The following RANBP2 variants were observed in gnomAD, a reference collection of about 807,000 sequenced individuals.
The protein encoded by RANBP2 is RAN binding protein 2.
RANBP2 carries 57 observed loss-of-function variants against 303.6 expected under a neutral mutation model. That is an observed-to-expected ratio of 0.19 (90% CI 0.15 to 0.23). RANBP2 has a LOEUF of 0.23. RANBP2 is among the 10% of genes least tolerant of loss of function. RANBP2 has a pLI of 1.00. For missense variants in RANBP2, 3,138 were observed against 3,780.8 expected, an observed-to-expected ratio of 0.83 and a Z score of 4.46; for synonymous variants, 1,167 against 1,301.5, an observed-to-expected ratio of 0.90 and a Z score of 2.23.
At position 108,763,247 on chromosome 2, in the gene RANBP2, A is replaced by G. The variant is rs375032781; in HGVS notation, c.2708A>G (p.Tyr903Cys). 1.9e-5 allele frequency: 31 copies of G among 1,613,520 alleles called. No individual in the cohort carries two copies. The African/African-American group carries it at 2.0e-4, about 10-fold the overall frequency. The change falls in exon 20 of 29, where the codon TAT becomes TGT. Residue 903 changes from tyrosine (Y) to cysteine (C), a missense_variant. This residue lies in a region of RANBP2 where 403 missense variants were observed against 376.7 expected (regional missense o/e 1.07). Transcript: ENST00000283195. ...ANVTPTKGPV[Y>C]GMNRLPPQQH... is the part of the protein sequence containing the mutation. ...CTTTCTGTCTTTTAGGGCCCAGTCT[A>G]TGGCATGAATAGGCTTCCACCCCAA...
intron 15 of RANBP2, 108 bp from the exon 16 acceptor site, chr2:108,754,797 C>A: frequency 3.9e-6 from 6 of 1,549,260 alleles, no homozygotes; most frequent in Non-Finnish European, 5.3e-6. Flanking sequence ...TGTAAAGTGC[C>A]TATTAAAGTG....
the RANBP2 span, chr2:109,127,257 C>G: frequency 5.9e-5 from 9 of 151,962 alleles, no homozygotes; most frequent in Middle Eastern, 3.2e-3. Context: ...CTAAGATCTG[C>G]CTTCAAATCA....
At chr2:109,210,046 G>A in the RANBP2 span, among the ~76,000 whole-genome samples, 1 of 152,186 alleles carries the variant, frequency 6.6e-6, no homozygotes, top group Non-Finnish European at 1.5e-5. Context: ...GGACCGCAGA[G>A]TCAAACAGTA....
chr2:109,432,426 C>T, the RANBP2 span: 1 of 1,562,626 alleles, frequency 6.4e-7, no homozygotes, highest in Non-Finnish European at 8.7e-7. Context: ...AAGACAACCT[C>T]CCCCCAGGAA....
At chr2:108,787,956 T>C (rs1210532531), downstream of RANBP2, 1 of 1,217,284 alleles carries the variant, frequency 8.2e-7, no homozygotes, top group South Asian at 1.4e-5. Context: ...AATTAATACA[T>C]AATTTGTGGG....
At chr2:109,715,394 C>A in the RANBP2 span, among the ~76,000 whole-genome samples, 1 of 152,170 alleles carries the variant, frequency 6.6e-6, no homozygotes. Flanking sequence ...GCCTGGCCTC[C>A]TTTTCAGGTT....
At chr2:109,404,430 C>T in the RANBP2 span, among the ~76,000 whole-genome samples, 14 of 152,158 alleles carry the variant, frequency 9.2e-5, no homozygotes, top group South Asian at 2.1e-4. Context: ...GCTACAAGTT[C>T]GAGACTGGGA....
the RANBP2 span, among the ~76,000 whole-genome samples, chr2:109,717,791 G>A: frequency 1.3e-5 from 2 of 151,220 alleles, no homozygotes; most frequent in South Asian, 2.1e-4. Flanking sequence ...GCAGGTGCCT[G>A]TAGTCCCAGC....
At chr2:109,615,527 C>T in the RANBP2 span, 3 of 1,613,962 alleles carry the variant, frequency 1.9e-6, no homozygotes, top group Non-Finnish European at 2.5e-6. Context: ...CCGCCCTGCA[C>T]TTGGCAGCCA....
chr2:109,567,997 C>T, the RANBP2 span: 1 of 1,537,940 alleles, frequency 6.5e-7, no homozygotes, highest in Non-Finnish European at 8.8e-7. Context: ...TAAAGAAAAA[C>T]AAAATCTTAC....
chr2:108,787,437 C>CAA (rs1679058329), downstream of RANBP2, among the ~76,000 whole-genome samples: 1 of 152,156 alleles, frequency 6.6e-6, no homozygotes, highest in Admixed American at 6.5e-5. Context: ...TGCCCCTTTA[C>CAA]CTCTGAATAG....
At chr2:108,911,430 C>A in the RANBP2 span, among the ~76,000 whole-genome samples, 2 of 152,134 alleles carry the variant, frequency 1.3e-5, no homozygotes, top group South Asian at 4.1e-4. Context: ...GAAGGCAGCA[C>A]AATTCAAGTT....
At chr2:109,210,578 T>C in the RANBP2 span, among the ~76,000 whole-genome samples, 1 of 152,130 alleles carries the variant, frequency 6.6e-6, no homozygotes, top group Non-Finnish European at 1.5e-5. Context: ...CCTAAGCAGG[T>C]GGCTCTGCAG....
the RANBP2 span, among the ~76,000 whole-genome samples, chr2:109,070,277 G>C: frequency 6.6e-6 from 1 of 152,222 alleles, no homozygotes; most frequent in Non-Finnish European, 1.5e-5. Context: ...GTTGTTTAAG[G>C]GGAATGGGAA....
the RANBP2 span, among the ~76,000 whole-genome samples, chr2:109,535,780 T>C: frequency 6.6e-6 from 1 of 152,098 alleles, no homozygotes; most frequent in South Asian, 2.1e-4. Context: ...AGCAGGAGCC[T>C]GAGTACACAC....
At chr2:109,476,745 T>A in the RANBP2 span, among the ~76,000 whole-genome samples, 1 of 152,244 alleles carries the variant, frequency 6.6e-6, no homozygotes, top group Non-Finnish European at 1.5e-5. Flanking sequence ...CAAGAATAGC[T>A]GTTCCATAGA....
chr2:109,650,837 A>C, the RANBP2 span, among the ~76,000 whole-genome samples: 2 of 152,098 alleles, frequency 1.3e-5, no homozygotes, highest in South Asian at 4.2e-4. Context: ...AGTCCAATAA[A>C]CCTCTTTTTC....
chr2:109,189,115 C>T, the RANBP2 span, among the ~76,000 whole-genome samples: 3 of 152,078 alleles, frequency 2.0e-5, no homozygotes, highest in African/African-American at 7.2e-5. Context: ...GCCTCCACTG[C>T]CTTGCTAGCA....
the RANBP2 span, among the ~76,000 whole-genome samples, chr2:108,888,510 G>A: frequency 3.1e-3 from 465 of 151,724 alleles, 4 homozygotes; most frequent in African/African-American, 0.011. Flanking sequence ...TTTTTTGTTG[G>A]GTAATTTTTT....
Sources: gnomAD v4.1 joint callset for allele counts (sites outside exome capture counted in the v4.1 genomes callset) on GRCh38, gnomAD v4.1.1 for gene constraint, gnomAD v4.1.1 regional missense constraint, MANE v1.5 for transcripts, NCBI Gene and HGNC (gene_info 2026-07-23, HGNC 2026-07-21) for gene names.